TACC2: variants seen among roughly 807,000 people sequenced by gnomAD.
The protein encoded by TACC2 is transforming acidic coiled-coil-containing protein 2.
Under a neutral mutation model 227.3 loss-of-function variants are expected in TACC2, and 137 were observed. That is an observed-to-expected ratio of 0.60 (90% CI 0.52 to 0.69). The LOEUF is 0.69. Ranked by LOEUF, TACC2 falls within the 30% of genes least tolerant of loss-of-function variation. The pLI is 0.00. For synonymous variants in TACC2, 1,523 were observed against 1,487.5 expected, an observed-to-expected ratio of 1.02 and a Z score of -0.55; for missense variants, 3,470 against 3,694.4, an observed-to-expected ratio of 0.94 and a Z score of 1.57.
chr10:122,042,275 C>A (rs2074389412), intron 2 of TACC2, among the ~76,000 whole-genome samples: 1 of 152,102 alleles, frequency 6.6e-6, no homozygotes. Context: ...GAGAGTCTCA[C>A]TCTGTCGCCC....
chr10:122,048,865 G>A (rs755808147), intron 2 of TACC2, among the ~76,000 whole-genome samples: 5 of 152,226 alleles, frequency 3.3e-5, no homozygotes, highest in African/African-American at 9.6e-5. Flanking sequence ...CATGTAACGC[G>A]AGTTCTATAA....
rs771776690 is a variant in TACC2, at chr10:122,211,067, C to T, written c.6642C>T (p.Val2214=). ...PLDSESAEGV[V]PPASGGGRVQ... is the part of the protein sequence containing the mutation. ...ACTCAGAGAGTGCAGAAGGGGTTGT[C>T]CCCCCGGCTTCTGGAGGTGGCAGAG... The change falls in exon 9 of 23, where the codon GTC becomes GTT. Residue 2214 remains valine, a synonymous_variant. Coordinates refer to ENST00000369005, the MANE Select transcript of TACC2 (RefSeq NM_206862.4). 8.1e-6 allele frequency: 13 copies of T among 1,611,402 alleles called. No individual in the cohort carries two copies. The highest frequency in any genetic ancestry group is 3.4e-5 in the Admixed American group (2 of 59,564).
chr10:122,240,669 G>T (rs553563481), intron 18 of TACC2, among the ~76,000 whole-genome samples: 3 of 152,072 alleles, frequency 2.0e-5, no homozygotes, highest in East Asian at 1.9e-4. Context: ...CCGGGGTGGG[G>T]GTCTCTATGG....
In TACC2 at chr10:122,241,971, G is replaced by C; in HGVS notation, c.8362G>C (p.Glu2788Gln). Reference protein sequence around the residue: ...EVMEMRKIVAEYEKTIAQMIE... With the variant: ...EVMEMRKIVAQYEKTIAQMIE... ...CTTCTCTTATAGGAAAATAGTGGCCGAGTATGAGAAGACCATCGCTCAGAT... is the reference window on the plus strand; with the variant it reads ...CTTCTCTTATAGGAAAATAGTGGCCCAGTATGAGAAGACCATCGCTCAGAT... Residue 2788 changes from glutamate to glutamine, a missense_variant, in exon 19 of 23, where the codon GAG becomes CAG. Glu to Gln is a conservative substitution (Grantham distance 29, BLOSUM62 2). This residue lies in a region of TACC2 where 65 missense variants were observed against 119.3 expected (regional missense o/e 0.54). Transcript: ENST00000369005. 1 of 1,614,200 alleles carries C rather than the reference G, an allele frequency of 6.2e-7. No individual in the cohort carries two copies. The highest frequency in any genetic ancestry group is 1.3e-5 in the African/African-American group (1 of 75,072).
intron 5 of TACC2, among the ~76,000 whole-genome samples, chr10:122,090,845 G>C (rs146027673): frequency 7.2e-5 from 11 of 152,022 alleles, no homozygotes; most frequent in South Asian, 2.1e-4. Context: ...ACCACCCCAG[G>C]ATCCTCCCAC....
At chr10:122,107,989 T>C (rs910635464) in intron 5 of TACC2, among the ~76,000 whole-genome samples, 4 of 150,858 alleles carry the variant, frequency 2.7e-5, no homozygotes, top group Admixed American at 1.3e-4. Flanking sequence ...CCTCCTGGGT[T>C]CACGCCATTC....
intron 3 of TACC2, among the ~76,000 whole-genome samples, chr10:122,053,515 T>C (rs1255576244): frequency 6.6e-6 from 1 of 152,010 alleles, no homozygotes; most frequent in African/African-American, 2.4e-5. Flanking sequence ...CCATCATCCA[T>C]TCCCTCCCCA....
chr10:122,176,073 T>TTCTCTC (rs55655832), intron 7 of TACC2, among the ~76,000 whole-genome samples: 266 of 92,700 alleles, frequency 2.9e-3, no homozygotes, highest in South Asian at 5.8e-3. Flanking sequence ...GAGCAAAACC[T>TTCTCTC]TCTCTCTCTC....
In TACC2 at chr10:122,086,031, A is replaced by C; in HGVS notation, c.3531A>C (p.Leu1177=). ...GGGAGGAAGCTTCTACCTCTGCCCT[A>C]CGTGAGTCCTGCCAAGCTGAGCACC... ...TSGEEASTSA[L]RESCQAEHPM... is the part of the protein sequence containing the mutation. The change falls in exon 4 of 23, where the codon CTA becomes CTC. Residue 1177 remains leucine, a synonymous_variant. Transcript: ENST00000369005. The C allele has an allele frequency of 6.2e-7, 1 of 1,613,856 alleles. No individual in the cohort carries two copies. The highest frequency in any genetic ancestry group is 1.7e-5 in the Admixed American group (1 of 60,010).
intron 8 of TACC2, among the ~76,000 whole-genome samples, chr10:122,203,526 C>T (rs1184460272): frequency 4.0e-5 from 6 of 148,482 alleles, no homozygotes; most frequent in African/African-American, 7.5e-5. Context: ...TCAGACGGGG[C>T]GGCCGGGCAG....
intron 5 of TACC2, among the ~76,000 whole-genome samples, chr10:122,118,366 G>C (rs2085114470): frequency 6.6e-6 from 1 of 152,104 alleles, no homozygotes; most frequent in African/African-American, 2.4e-5. Context: ...CAGCAACTTA[G>C]CTGGCCCAGG....
intron 7 of TACC2, among the ~76,000 whole-genome samples, chr10:122,189,485 T>A (rs1290937279): frequency 6.6e-6 from 1 of 152,118 alleles, no homozygotes; most frequent in Non-Finnish European, 1.5e-5. Context: ...CTGGGCTTGG[T>A]CTTCAAGGGA....
chr10:122,188,010 C>T (rs2094270381), intron 7 of TACC2, among the ~76,000 whole-genome samples: 1 of 152,064 alleles, frequency 6.6e-6, no homozygotes, highest in Non-Finnish European at 1.5e-5. Flanking sequence ...CTTGCCCTCC[C>T]TTCCACATCC....
At chr10:122,237,812 C>T (rs961349641) in intron 17 of TACC2, 149 bp from the exon 18 acceptor site, 10 of 708,240 alleles carry the variant, frequency 1.4e-5, no homozygotes, top group Admixed American at 3.0e-5. Flanking sequence ...TTTTTATGCT[C>T]GGGGAAGTTC....
At chr10:122,146,111 C>T (rs963469479) in intron 7 of TACC2, among the ~76,000 whole-genome samples, 6 of 152,092 alleles carry the variant, frequency 3.9e-5, no homozygotes, top group African/African-American at 1.2e-4. Flanking sequence ...TGGATGGATG[C>T]GACCCACAAC....
intron 20 of TACC2, 26 bp downstream of exon 20, chr10:122,248,829 A>G (rs2096187393): frequency 6.2e-7 from 1 of 1,613,056 alleles, no homozygotes; most frequent in Non-Finnish European, 8.5e-7. Flanking sequence ...GGGGCCACGG[A>G]GGAGGAGGAT....
At chr10:122,017,481 T>A (rs1319984396) in intron 1 of TACC2, among the ~76,000 whole-genome samples, 1 of 152,020 alleles carries the variant, frequency 6.6e-6, no homozygotes, top group Non-Finnish European at 1.5e-5. Context: ...CCCAATTGGC[T>A]CATTCAAGAC....
Position 122,227,897 on chromosome 10 carries a change from C to A in TACC2, c.7785C>A (p.Val2595=). The A allele has an allele frequency of 1.2e-6, 2 of 1,614,254 alleles. No homozygotes were observed. The highest frequency in any genetic ancestry group is 1.7e-6 in the Non-Finnish European group (2 of 1,180,048). The change falls in exon 14 of 23, where the codon GTC becomes GTA. Residue 2595 remains valine, a synonymous_variant. Transcript: ENST00000369005. ...CTGCTGCGAAAAACCAGCATCCTGT[C>A]CCACGAGGACTGGCCCCTAACCAAG... The part of the protein sequence containing the change: ...VNTAAKNQHP[V]PRGLAPNQES...
chr10:122,143,454 G>C, intron 6 of TACC2, 118 bp from the exon 7 acceptor site: 2 of 1,127,546 alleles, frequency 1.8e-6, no homozygotes, highest in Non-Finnish European at 2.4e-6. Context: ...AAGTGCTGGG[G>C]TTTAAAGAGT....
Sources: gnomAD v4.1 joint callset for allele counts (sites outside exome capture counted in the v4.1 genomes callset) on GRCh38, gnomAD v4.1.1 for gene constraint, gnomAD v4.1.1 regional missense constraint, MANE v1.5 for transcripts, NCBI Gene and HGNC (gene_info 2026-07-23, HGNC 2026-07-21) for gene names.